The following CERS3 variants were observed in gnomAD, a reference collection of about 807,000 sequenced individuals.
The protein encoded by CERS3 is ceramide synthase 3.
In CERS3, 33 loss-of-function variants were observed where a neutral mutation model predicts 50.3. That is an observed-to-expected ratio of 0.66 (90% CI 0.50 to 0.88). The LOEUF (loss-of-function observed/expected upper bound fraction) is 0.88. Ranked by LOEUF, CERS3 falls within the 40% of genes least tolerant of loss-of-function variation. The pLI is 0.00. For synonymous variants in CERS3, 176 were observed against 155.2 expected (o/e 1.13, Z -0.99); for missense variants, 470 against 460.3 (o/e 1.02, Z -0.19).
rs147057936 is a variant in CERS3 at position 100,445,583 on chromosome 15, T to C, written c.999+10310A>G. Among the ~76,000 whole-genome samples the C allele has an allele frequency of 1.5e-3, 225 of 152,218 alleles. 2 individuals carry two copies. Among genetic ancestry groups the C allele is most frequent in the Non-Finnish European group, 2.1e-3 (143 of 68,016 alleles). The stretch of plus-strand genomic sequence containing the variant: ...CACCAATAATTCTAAATGACAAATG[T>C]TTCTTCTAACAACCGCACAATATCA... On this transcript the variant is annotated intron_variant, in intron 11 of 11. Transcript: ENST00000679737.
At chr15:100,474,785 T>C (rs1378129289) in intron 8 of CERS3, among the ~76,000 whole-genome samples, 1 of 152,168 alleles carries the variant, frequency 6.6e-6, no homozygotes, top group Non-Finnish European at 1.5e-5. Context: ...CTTCATTTTA[T>C]AGATAAGGAG....
intron 9 of CERS3, among the ~76,000 whole-genome samples, chr15:100,472,512 G>A (rs1189313561): frequency 6.6e-6 from 1 of 152,060 alleles, no homozygotes; most frequent in Non-Finnish European, 1.5e-5. Context: ...GGGAGGGTGG[G>A]GGAGTGTGAA....
At chr15:100,485,431 T>A (rs1262198085) in intron 4 of CERS3, among the ~76,000 whole-genome samples, 1 of 152,226 alleles carries the variant, frequency 6.6e-6, no homozygotes, top group Admixed American at 6.5e-5. Context: ...GAAACATAAA[T>A]GACCAAATGG....
At chr15:100,466,538 G>T (rs1255381821) in intron 10 of CERS3, among the ~76,000 whole-genome samples, 1 of 152,058 alleles carries the variant, frequency 6.6e-6, no homozygotes, top group African/African-American at 2.4e-5. Flanking sequence ...TGACTACTGA[G>T]GCTGTTTATG....
intron 5 of CERS3, among the ~76,000 whole-genome samples, chr15:100,483,340 G>A (rs560595705): frequency 1.1e-4 from 17 of 152,240 alleles, no homozygotes; most frequent in South Asian, 4.1e-4. Flanking sequence ...GTTTAAGGCC[G>A]GTAACCACGA....
chr15:100,498,655 T>G lies in CERS3; in HGVS notation c.173+3022A>C, dbSNP rs186691346. 1.8e-3 allele frequency among the ~76,000 whole-genome samples: 278 copies of G among 152,312 alleles called. 2 individuals carry two copies. Among genetic ancestry groups the G allele is most frequent in the East Asian group, 0.013 (66 of 5,178 alleles). ...AGACACCCAGACGGCCCCCCCTTTG[T>G]CTAGCACCCCATCAGTTACCTGGGA... On this transcript the variant is annotated intron_variant, in intron 3 of 11. Coordinates refer to ENST00000679737, the MANE Select transcript of CERS3 (RefSeq NM_001378789.1).
At chr15:100,498,222 T>C (rs1371411553) in intron 3 of CERS3, among the ~76,000 whole-genome samples, 6 of 151,994 alleles carry the variant, frequency 3.9e-5, no homozygotes, top group Non-Finnish European at 7.4e-5. Flanking sequence ...CAGAACAGAG[T>C]ATAGATATAA....
At chr15:100,471,065 T>C (rs1333501027) in intron 9 of CERS3, among the ~76,000 whole-genome samples, 1 of 152,154 alleles carries the variant, frequency 6.6e-6, no homozygotes, top group Admixed American at 6.5e-5. Context: ...CACCACTTAA[T>C]ATTTTGTCTA....
chr15:100,500,694 G>C (rs1368129142), intron 3 of CERS3, among the ~76,000 whole-genome samples: 1 of 152,220 alleles, frequency 6.6e-6, no homozygotes, highest in Admixed American at 6.5e-5. Context: ...CTCTCAGCCA[G>C]GGTTTAGTGG....
chr15:100,428,490 C>T (rs749014807), intron 11 of CERS3, among the ~76,000 whole-genome samples: 8 of 152,198 alleles, frequency 5.3e-5, no homozygotes, highest in African/African-American at 1.7e-4. Context: ...CAGGTGATTC[C>T]GGGACCTTGC....
intron 10 of CERS3, among the ~76,000 whole-genome samples, chr15:100,468,033 A>C (rs570706307): frequency 6.6e-6 from 1 of 151,920 alleles, no homozygotes; most frequent in East Asian, 1.9e-4. Context: ...GCCATTACTA[A>C]AATTTCACAA....
chr15:100,520,680 C>T (rs372028878), intron 2 of CERS3, among the ~76,000 whole-genome samples: 24 of 152,296 alleles, frequency 1.6e-4, no homozygotes, highest in African/African-American at 5.3e-4. Context: ...TTTAGCAAAA[C>T]TTTTGGTAAG....
At chr15:100,415,406 C>T (rs2031822630) in intron 11 of CERS3, among the ~76,000 whole-genome samples, 2 of 152,074 alleles carry the variant, frequency 1.3e-5, no homozygotes, top group African/African-American at 4.8e-5. Context: ...AGAACTAGAA[C>T]CAGAAATACC....
intron 5 of CERS3, among the ~76,000 whole-genome samples, chr15:100,483,787 A>ATTATTTTTTTTTTTTTTTT (rs760594142): frequency 5.0e-5 from 5 of 100,040 alleles, no homozygotes; most frequent in South Asian, 7.3e-4. Context: ...TATTATTATT[A>ATTATTTTTTTTTTTTTTTT]TTTTTTTTTT....
chr15:100,457,219 G>GT (rs1374353578), intron 10 of CERS3, among the ~76,000 whole-genome samples: 1 of 151,944 alleles, frequency 6.6e-6, no homozygotes, highest in Non-Finnish European at 1.5e-5. Context: ...AAAATTTACT[G>GT]TTTTTTGGTA....
intron 10 of CERS3, among the ~76,000 whole-genome samples, chr15:100,458,657 G>A (rs1204568935): frequency 6.6e-6 from 1 of 151,790 alleles, no homozygotes; most frequent in East Asian, 1.9e-4. Context: ...ATATATAGAG[G>A]TTAAGGAATG....
intron 10 of CERS3, among the ~76,000 whole-genome samples, chr15:100,468,371 C>T (rs2034853216): frequency 6.6e-6 from 1 of 152,144 alleles, no homozygotes; most frequent in African/African-American, 2.4e-5. Flanking sequence ...TGGACTCTCA[C>T]ATGTAGCAAC....
chr15:100,436,071 A>T (rs985610781), intron 11 of CERS3, among the ~76,000 whole-genome samples: 4 of 152,218 alleles, frequency 2.6e-5, no homozygotes, highest in South Asian at 4.1e-4. Context: ...GGTGAATTTC[A>T]CAAGGATCTA....
intron 11 of CERS3, among the ~76,000 whole-genome samples, chr15:100,404,635 A>G (rs2030844235): frequency 6.6e-6 from 1 of 152,220 alleles, no homozygotes; most frequent in African/African-American, 2.4e-5. Flanking sequence ...TCTAAAATTT[A>G]TATGGAGAGG....
Sources: gnomAD v4.1 joint callset for allele counts (sites outside exome capture counted in the v4.1 genomes callset) on GRCh38, gnomAD v4.1.1 for gene constraint, MANE v1.5 for transcripts, NCBI Gene and HGNC (gene_info 2026-07-23, HGNC 2026-07-21) for gene names.